The following AHRR variants were observed in gnomAD, a reference collection of about 807,000 sequenced individuals.
The protein encoded by AHRR is ahR repressor.
AHRR carries 28 observed loss-of-function variants against 44.0 expected under a neutral mutation model. The observed-to-expected ratio is 0.64, with a 90% CI of 0.47 to 0.87. The LOEUF (loss-of-function observed/expected upper bound fraction) is 0.87. Among genes scored for constraint, AHRR ranks in the 40% least tolerant of loss-of-function variants. The pLI is 0.00. For synonymous variants in AHRR, 434 were observed against 407.0 expected, an observed-to-expected ratio of 1.07 and a Z score of -0.80; for missense variants, 990 against 953.9, an observed-to-expected ratio of 1.04 and a Z score of -0.50.
rs1742390599 is a variant in AHRR at position 342,833 on chromosome 5, C to A, written c.-10-1060C>A. Among the ~76,000 whole-genome samples the A allele has an allele frequency of 6.6e-6, 1 of 152,332 alleles. No homozygotes were observed. Among genetic ancestry groups the A allele is most frequent in the African/African-American group, 2.4e-5 (1 of 41,566 alleles). On this transcript the variant is annotated intron_variant, in intron 1 of 10. Coordinates refer to ENST00000684583, the MANE Select transcript of AHRR (RefSeq NM_001377236.1). This position sits in a 1 kb window ranked among gnomAD's most constrained non-coding sequence, Gnocchi z 4.3. ...CTGAGGTGGGTGGCAGGCAAGCTGACCAGCCTGGGCACAGATACTGGGCTG... is the reference window on the plus strand; with the variant it reads ...CTGAGGTGGGTGGCAGGCAAGCTGAACAGCCTGGGCACAGATACTGGGCTG...
At chr5:407,185 T>C (rs750299767) in intron 4 of AHRR, among the ~76,000 whole-genome samples, 2 of 152,258 alleles carry the variant, frequency 1.3e-5, no homozygotes, top group Non-Finnish European at 2.9e-5. Context: ...ATATTTAGTA[T>C]AAACCTGCCA....
chr5:434,059 T>C lies in AHRR; in HGVS notation c.1319T>C (p.Val440Ala). The change falls in exon 11 of 11, where the codon GTC becomes GCC. Residue 440 changes from valine to alanine, a missense_variant. Transcript: ENST00000684583. ...PRGSCLPCPC[V>A]QGTFRNSPIS... ...GGCTCCTGCCTGCCCTGCCCGTGTG[T>C]CCAGGGCACTTTCAGGAACTCGCCC... 6.2e-7 allele frequency: 1 copy of C among 1,612,572 alleles called. No homozygotes were observed. Among genetic ancestry groups the C allele is most frequent in the Non-Finnish European group, 8.5e-7 (1 of 1,179,846 alleles).
rs373549252 is a variant in AHRR at position 434,020 on chromosome 5, G to A, written c.1280G>A (p.Arg427His). The change falls in exon 11 of 11, where the codon CGC (arginine) becomes CAC (histidine). Residue 427 changes from arginine to histidine, a missense_variant. Arg to His is a conservative substitution (Grantham distance 29). Transcript: ENST00000684583. ...QPSKNDPPSL[R>H]PMPRGSCLPC... Reference sequence around the variant, plus strand: ...AGCAAGAATGACCCGCCCTCCCTGCGCCCCATGCCCCGCGGCTCCTGCCTG... The same window carrying A: ...AGCAAGAATGACCCGCCCTCCCTGCACCCCATGCCCCGCGGCTCCTGCCTG... 94 of 1,591,954 alleles carry A rather than the reference G, an allele frequency of 5.9e-5. No individual in the cohort carries two copies. The highest frequency in any genetic ancestry group is 7.6e-5 in the Non-Finnish European group (89 of 1,170,378).
chr5:368,297 T>A lies in AHRR; in HGVS notation c.245-8313T>A, dbSNP rs1047065612. ...CGTGCACCGCGCACTGTATCCTGCCTGAGGGTGTGGGCCAGGGCGCTCCCT... is the reference window on the plus strand; with the variant it reads ...CGTGCACCGCGCACTGTATCCTGCCAGAGGGTGTGGGCCAGGGCGCTCCCT... On this transcript the variant is annotated intron_variant, in intron 3 of 10. Transcript: ENST00000684583. 1.7e-4 allele frequency among the ~76,000 whole-genome samples: 26 copies of A among 152,162 alleles called. 1 individual carries two copies. Among genetic ancestry groups the A allele is most frequent in the African/African-American group, 6.3e-4 (26 of 41,430 alleles).
chr5:360,580 AGAG>A lies in AHRR; in HGVS notation c.244+6673_244+6675del, dbSNP rs1383237467. ...AAAGGTGTTGTTGGTGAGGGCTCAG[AGAG>A]GAGAGCATTGTAGGGAGAGCTGTGG... On this transcript the variant is annotated intron_variant, in intron 3 of 10. Transcript: ENST00000684583. Among the ~76,000 whole-genome samples, 4 of 152,316 alleles carry A rather than the reference AGAG, an allele frequency of 2.6e-5. 1 individual carries two copies. The highest frequency in any genetic ancestry group is 9.6e-5 in the African/African-American group (4 of 41,572).
At chr5:392,625 G>A (rs1315368311) in intron 4 of AHRR, among the ~76,000 whole-genome samples, 2 of 152,182 alleles carry the variant, frequency 1.3e-5, no homozygotes, top group Non-Finnish European at 2.9e-5. Context: ...TGCCCAAACC[G>A]CCGGTGAGAA....
intron 1 of AHRR, chr5:343,589 C>T (rs938475551): frequency 5.0e-6 from 2 of 402,624 alleles, no homozygotes; most frequent in Middle Eastern, 6.7e-4. Flanking sequence ...CTCAGGACGC[C>T]GGTCTCCCGC....
At position 421,213 on chromosome 5, in the gene AHRR, G is replaced by A. The variant is rs928370509; in HGVS notation, c.442-1516G>A. 79 of 677,746 alleles carry A rather than the reference G, an allele frequency of 1.2e-4. No homozygotes were observed. The African/African-American group carries it at 1.2e-3, about 10-fold the overall frequency. 42.0% of individuals were successfully genotyped at this position (677,746 alleles called of 1,614,324 possible). A position where few individuals can be genotyped will look rare whatever the true frequency, so the allele number is the denominator to read the frequency against. ...GCAGGAGGCCCTTGCGGACCCAGCG[G>A]CCTCCTCGTCGGCAACGCCCACCCC... On this transcript the variant is annotated intron_variant, in intron 5 of 10. Coordinates refer to ENST00000684583, the MANE Select transcript of AHRR (RefSeq NM_001377236.1).
chr5:428,978 G>A lies in AHRR; in HGVS notation c.908+972G>A, dbSNP rs143851355. ...TGTAAATATAGATGAAGCTTCACTC[G>A]CTTGCGCAGGGCCCACCTCCTGCCA... On this transcript the variant is annotated intron_variant, in intron 8 of 10. Transcript: ENST00000684583. Among the ~76,000 whole-genome samples the A allele has an allele frequency of 6.7e-4, 102 of 152,356 alleles. 1 individual carries two copies. Among genetic ancestry groups the A allele is most frequent in the African/African-American group, 2.4e-3 (99 of 41,582 alleles).
chr5:325,396 C>T (rs1741670770), intron 1 of AHRR, among the ~76,000 whole-genome samples: 1 of 152,242 alleles, frequency 6.6e-6, no homozygotes, highest in East Asian at 1.9e-4. Flanking sequence ...CTGGCCTGTT[C>T]TCCCCACCAG....
chr5:422,138 C>T (rs982782992), intron 5 of AHRR, among the ~76,000 whole-genome samples: 16 of 152,182 alleles, frequency 1.1e-4, no homozygotes, highest in Non-Finnish European at 1.6e-4. Context: ...CTGAGTACCC[C>T]TTGAAGTCAG....
intron 7 of AHRR, among the ~76,000 whole-genome samples, chr5:425,269 G>A (rs1201833768): frequency 1.3e-5 from 2 of 152,244 alleles, no homozygotes; most frequent in South Asian, 2.1e-4. Flanking sequence ...CCACGCACAC[G>A]CCCCAGGGCA....
Position 433,093 on chromosome 5 carries a change from C to A in AHRR, c.1112+146C>A, listed in dbSNP as rs1028124075. On this transcript the variant is annotated intron_variant, in intron 10 of 10. Coordinates refer to ENST00000684583, the MANE Select transcript of AHRR (RefSeq NM_001377236.1). ...ACCACACGAGCCACAGCTAACCTTACTCTCTGTGGAGCTGTCCACACAGCT... is the reference window on the plus strand; with the variant it reads ...ACCACACGAGCCACAGCTAACCTTAATCTCTGTGGAGCTGTCCACACAGCT... The A allele has an allele frequency of 2.8e-6, 3 of 1,057,772 alleles. No individual in the cohort carries two copies. The African/African-American group carries it at 4.8e-5, about 17-fold the overall frequency. The allele number at this position is 1,057,772 out of a possible 1,614,324, so 65.5% of individuals were successfully genotyped here.
At chr5:420,987 A>G (rs1401356963) in intron 5 of AHRR, 2 of 336,438 alleles carry the variant, frequency 5.9e-6, no homozygotes, top group Admixed American at 5.4e-5. Context: ...CAAAATATAC[A>G]CGATGGTTCT....
chr5:388,916 C>T lies in AHRR; in HGVS notation c.351+12200C>T, dbSNP rs528728466. ...GTGCGGAGGGTTTCCGCCGGTGCCT[C>T]GCACAGGAGAGAAGATGGAGCCGAG... On this transcript the variant is annotated intron_variant, in intron 4 of 10. Transcript: ENST00000684583. The surrounding 1 kb of genome is among the most constrained non-coding windows in gnomAD (Gnocchi z 5.2). Among the ~76,000 whole-genome samples the T allele has an allele frequency of 1.3e-5, 2 of 152,098 alleles. No individual in the cohort carries two copies. The highest frequency in any genetic ancestry group is 2.9e-5 in the Non-Finnish European group (2 of 68,008).
intron 4 of AHRR, among the ~76,000 whole-genome samples, chr5:382,241 G>C (rs1219056159): frequency 6.6e-6 from 1 of 152,146 alleles, no homozygotes; most frequent in Non-Finnish European, 1.5e-5. Flanking sequence ...TGTAGAATTG[G>C]TATTATTTTC....
rs1476068267 is a variant in AHRR at position 333,649 on chromosome 5, T to C, written c.-10-10244T>C. 2.0e-5 allele frequency among the ~76,000 whole-genome samples: 3 copies of C among 152,176 alleles called. No homozygotes were observed. In the East Asian group the frequency reaches 5.8e-4, roughly 29 times the overall value. ...TTAACCTGTTTACCTTCAAGGTTAA[T>C]ATTGGTATGTAAGGTTTGATTCCTG... On this transcript the variant is annotated intron_variant, in intron 1 of 10. Transcript: ENST00000684583.
intron 4 of AHRR, among the ~76,000 whole-genome samples, chr5:394,283 T>C (rs1216177663): frequency 9.9e-6 from 1 of 101,472 alleles, no homozygotes; most frequent in Non-Finnish European, 1.9e-5. Flanking sequence ...AACCCTCTTG[T>C]CTCTCCCCTT....
intron 5 of AHRR, among the ~76,000 whole-genome samples, chr5:420,508 C>T (rs149929433): frequency 6.6e-6 from 1 of 152,330 alleles, no homozygotes; most frequent in Non-Finnish European, 1.5e-5. Context: ...TGCTTCCCTG[C>T]AGGAGGAAGC....
Sources: allele counts gnomAD v4.1 joint callset (sites outside exome capture counted in the v4.1 genomes callset), GRCh38; gene constraint gnomAD v4.1.1; non-coding constraint Gnocchi (gnomAD v3.1); transcripts MANE v1.5; gene names NCBI Gene and HGNC (gene_info 2026-07-23, HGNC 2026-07-21).